SCFD2: variants seen among roughly 807,000 people sequenced by gnomAD.
The protein encoded by SCFD2 is sec1 family domain containing 2, also known as sec1 family domain-containing protein 2.
SCFD2 carries 54 observed loss-of-function variants against 58.9 expected under a neutral mutation model. The ratio of observed to expected loss-of-function variants is 0.92; its 90% confidence interval spans 0.74 to 1.15. The LOEUF is 1.15. Among genes scored for constraint, SCFD2 ranks in the 50% most tolerant of loss-of-function variants. The probability of loss-of-function intolerance (pLI) is 0.00; values close to 1 mark genes in which losing one functional copy is unlikely to be tolerated. For synonymous variants in SCFD2, 321 were observed against 335.9 expected (o/e 0.96, Z 0.49); for missense variants, 805 against 836.6 (o/e 0.96, Z 0.47).
At chr4:53,139,771 G>GA (rs2148907583) in intron 5 of SCFD2, among the ~76,000 whole-genome samples, 1 of 152,368 alleles carries the variant, frequency 6.6e-6, no homozygotes, top group East Asian at 1.9e-4. Context: ...AGAAAGGGGG[G>GA]ATGTGTGGGG....
chr4:53,064,418 G>C (rs1409852951), intron 5 of SCFD2, among the ~76,000 whole-genome samples: 1 of 106,274 alleles, frequency 9.4e-6, no homozygotes, highest in Non-Finnish European at 1.9e-5. Context: ...ATGACCTTTA[G>C]GCAATTGGAA....
chr4:53,353,952 T>C (rs1277050861), intron 1 of SCFD2, among the ~76,000 whole-genome samples: 1 of 152,254 alleles, frequency 6.6e-6, no homozygotes, highest in Non-Finnish European at 1.5e-5. Flanking sequence ...TTGGTGCATT[T>C]ACAATCCTCT....
chr4:53,165,750 T>A (rs1726988226), intron 4 of SCFD2, among the ~76,000 whole-genome samples: 1 of 152,174 alleles, frequency 6.6e-6, no homozygotes, highest in Non-Finnish European at 1.5e-5. Context: ...TGTTTGAGTG[T>A]TTTGCTCACT....
intron 5 of SCFD2, among the ~76,000 whole-genome samples, chr4:53,053,761 G>A (rs1723249241): frequency 6.6e-6 from 1 of 152,090 alleles, no homozygotes; most frequent in South Asian, 2.1e-4. Flanking sequence ...GCTGAGTCAG[G>A]AGCATCTTCC....
At chr4:52,980,875 A>C (rs1721361513) in intron 5 of SCFD2, among the ~76,000 whole-genome samples, 1 of 152,082 alleles carries the variant, frequency 6.6e-6, no homozygotes, top group South Asian at 2.1e-4. Flanking sequence ...TTGCATATAG[A>C]TCTTCCTGCT....
intron 4 of SCFD2, among the ~76,000 whole-genome samples, chr4:53,209,051 T>TA (rs1261071918): frequency 3.9e-5 from 6 of 152,094 alleles, no homozygotes; most frequent in Non-Finnish European, 5.9e-5. Flanking sequence ...TTGAAGGAGT[T>TA]ACCAGGACTT....
At chr4:53,164,659 T>A (rs1726951694) in intron 4 of SCFD2, among the ~76,000 whole-genome samples, 1 of 151,620 alleles carries the variant, frequency 6.6e-6, no homozygotes, top group Non-Finnish European at 1.5e-5. Flanking sequence ...CCGGGTGTGG[T>A]GGCATGCCTG....
chr4:53,170,824 TGTTA>T, intron 4 of SCFD2, among the ~76,000 whole-genome samples: 1 of 152,202 alleles, frequency 6.6e-6, no homozygotes, highest in South Asian at 2.1e-4. Context: ...TTTCCTTTTC[TGTTA>T]GTTAGCTGTT....
rs1031046585 is a variant in SCFD2, at chr4:53,282,989, C to T, written c.1136-8988G>A. Among the ~76,000 whole-genome samples the T allele has an allele frequency of 1.2e-4, 18 of 152,156 alleles. 1 individual carries two copies. Among genetic ancestry groups the T allele is most frequent in the Admixed American group, 1.0e-3 (16 of 15,272 alleles). ...GGAGCTACCTGCCCATGAGCAACTC[C>T]AGCCTCAGAAGCCTCAGGGATAATA... is the stretch of plus-strand genomic sequence containing the variant. On this transcript the variant is annotated intron_variant, in intron 3 of 8. Transcript: ENST00000401642.
intron 5 of SCFD2, among the ~76,000 whole-genome samples, chr4:53,123,046 T>C (rs1378459718): frequency 1.3e-5 from 2 of 152,168 alleles, no homozygotes; most frequent in African/African-American, 2.4e-5. Context: ...CTGCTCCTAT[T>C]AAATGGCTAT....
chr4:53,099,067 A>C (rs1475274574), intron 5 of SCFD2, among the ~76,000 whole-genome samples: 4 of 152,214 alleles, frequency 2.6e-5, no homozygotes, highest in African/African-American at 4.8e-5. Context: ...AAACACCCAG[A>C]ACAGTGTCTG....
chr4:52,965,740 A>G (rs755749818), intron 5 of SCFD2, among the ~76,000 whole-genome samples: 1 of 152,188 alleles, frequency 6.6e-6, no homozygotes, highest in African/African-American at 2.4e-5. Context: ...AAAACCTGCC[A>G]TGACTTGGTT....
chr4:53,251,534 C>T (rs1730380475), intron 4 of SCFD2, among the ~76,000 whole-genome samples: 1 of 152,170 alleles, frequency 6.6e-6, no homozygotes, highest in Admixed American at 6.5e-5. Context: ...GCTTATCCAC[C>T]ATGATCAAAT....
intron 4 of SCFD2, among the ~76,000 whole-genome samples, chr4:53,264,953 A>G (rs767474360): frequency 2.0e-5 from 3 of 152,202 alleles, no homozygotes; most frequent in Non-Finnish European, 4.4e-5. Context: ...TTTATATTTT[A>G]TTAAAAAACC....
At chr4:53,097,998 G>A (rs192944308) in intron 5 of SCFD2, among the ~76,000 whole-genome samples, 69 of 152,304 alleles carry the variant, frequency 4.5e-4, no homozygotes, top group South Asian at 1.0e-3. Flanking sequence ...CTTTGGTTCT[G>A]TTTACATGCT....
At chr4:53,330,839 T>C (rs1733429751) in intron 2 of SCFD2, among the ~76,000 whole-genome samples, 1 of 152,000 alleles carries the variant, frequency 6.6e-6, no homozygotes, top group Non-Finnish European at 1.5e-5. Context: ...GTGTGCTGTA[T>C]TCAGGAAACC....
At chr4:53,026,687 C>A (rs550029074) in intron 5 of SCFD2, among the ~76,000 whole-genome samples, 1 of 152,250 alleles carries the variant, frequency 6.6e-6, no homozygotes, top group Admixed American at 6.5e-5. Context: ...GGAGCCAGAT[C>A]CTTTTGGGTG....
chr4:52,879,410 T>A (rs1718556184), intron 8 of SCFD2, among the ~76,000 whole-genome samples: 1 of 152,268 alleles, frequency 6.6e-6, no homozygotes, highest in Non-Finnish European at 1.5e-5. Context: ...AGGGCAGTTA[T>A]GACTTAGGTG....
At chr4:53,331,262 G>A (rs1560450995) in intron 2 of SCFD2, among the ~76,000 whole-genome samples, 1 of 151,128 alleles carries the variant, frequency 6.6e-6, no homozygotes, top group African/African-American at 2.4e-5. Context: ...GACATCTACA[G>A]AACTCTCCAC....
Sources: gnomAD v4.1 joint callset for allele counts (sites outside exome capture counted in the v4.1 genomes callset) on GRCh38, gnomAD v4.1.1 for gene constraint, MANE v1.5 for transcripts, NCBI Gene and HGNC (gene_info 2026-07-23, HGNC 2026-07-21) for gene names.